The following RBFOX1 variants were observed in gnomAD, a reference collection of about 807,000 sequenced individuals.
RBFOX1 encodes the protein RNA binding fox-1 homolog 1.
RBFOX1 carries 8 observed loss-of-function variants against 57.7 expected under a neutral mutation model. The ratio of observed to expected loss-of-function variants is 0.14; its 90% CI spans 0.08 to 0.25. The LOEUF is 0.25. Among genes scored for constraint, RBFOX1 ranks in the 10% least tolerant of loss-of-function variants. The pLI is 1.00. For missense variants in RBFOX1, 611 were observed against 548.5 expected (o/e 1.11, Z -1.14); for synonymous variants, 326 against 222.4 (o/e 1.47, Z -4.15).
chr16:6,955,078 A>AC lies in RBFOX1; in HGVS notation c.-15-96979_-15-96978insC, dbSNP rs1568062833. ...AAACCCCATCTCTACAAAAAAAAAA[A>AC]AACACACAAAAAATTAGCTGGGCAT... is the stretch of plus-strand genomic sequence containing the variant. On this transcript the variant is annotated intron_variant, in intron 3 of 15. Coordinates refer to ENST00000550418, the MANE Select transcript of RBFOX1 (RefSeq NM_018723.4). Among the ~76,000 whole-genome samples the AC allele has an allele frequency of 3.0e-4, 38 of 126,778 alleles. No homozygotes were observed. The South Asian group carries it at 3.5e-3, about 12-fold the overall frequency. 83.2% of individuals were successfully genotyped at this position (126,778 alleles called of 152,430 possible).
At chr16:5,371,667 C>G (rs573520904) in intron 1 of RBFOX1, among the ~76,000 whole-genome samples, 1 of 152,342 alleles carries the variant, frequency 6.6e-6, no homozygotes, top group South Asian at 2.1e-4. Context: ...TCACGCACTT[C>G]TCTTTTTCCC....
At chr16:6,828,630 A>G (rs1020199001) in intron 3 of RBFOX1, among the ~76,000 whole-genome samples, 4 of 152,196 alleles carry the variant, frequency 2.6e-5, no homozygotes, top group African/African-American at 9.6e-5. Flanking sequence ...AGTGGACCCA[A>G]CATGGTGCTG....
chr16:7,494,545 A>G (rs2067966666), intron 4 of RBFOX1, among the ~76,000 whole-genome samples: 1 of 152,222 alleles, frequency 6.6e-6, no homozygotes. Context: ...CAATAATAGC[A>G]CAGAGATGTT....
intron 4 of RBFOX1, among the ~76,000 whole-genome samples, chr16:7,228,291 A>C (rs2093278754): frequency 1.3e-5 from 2 of 152,212 alleles, no homozygotes; most frequent in Admixed American, 6.5e-5. Context: ...TTCATCCTCA[A>C]GGTAATATAA....
At chr16:7,541,799 G>A (rs968642873) in intron 5 of RBFOX1, among the ~76,000 whole-genome samples, 3 of 152,136 alleles carry the variant, frequency 2.0e-5, no homozygotes, top group Non-Finnish European at 4.4e-5. Context: ...TTCTTCCTCT[G>A]GCAAATGATT....
intron 3 of RBFOX1, among the ~76,000 whole-genome samples, chr16:6,790,437 G>A (rs148682986): frequency 0.017 from 2,539 of 152,028 alleles, 87 homozygotes; most frequent in African/African-American, 0.058. Context: ...TACCCACCTC[G>A]GCCTCCCAAA....
intron 4 of RBFOX1, among the ~76,000 whole-genome samples, chr16:5,984,189 T>G (rs576134972): frequency 1.2e-5 from 1 of 82,882 alleles, no homozygotes; most frequent in African/African-American, 5.0e-5. Context: ...CCCCTCCTCC[T>G]CTCCTTCCCC....
At chr16:5,831,062 C>G (rs1407512957) in intron 3 of RBFOX1, among the ~76,000 whole-genome samples, 2 of 152,166 alleles carry the variant, frequency 1.3e-5, no homozygotes, top group East Asian at 3.8e-4. Context: ...GTTCTCCTTA[C>G]CCACAGGGAT....
chr16:5,515,084 A>G (rs899945374), intron 2 of RBFOX1, among the ~76,000 whole-genome samples: 3 of 152,128 alleles, frequency 2.0e-5, no homozygotes, highest in Admixed American at 2.0e-4. Flanking sequence ...CAGAACAAGA[A>G]CTCATTTATT....
At chr16:5,287,766 A>G (rs531506414) in intron 1 of RBFOX1, among the ~76,000 whole-genome samples, 2 of 152,198 alleles carry the variant, frequency 1.3e-5, no homozygotes, top group Non-Finnish European at 2.9e-5. Flanking sequence ...ATGCAGATTA[A>G]TATTCCAGTG....
At chr16:6,325,289 T>C (rs1380252277) in intron 2 of RBFOX1, among the ~76,000 whole-genome samples, 1 of 152,124 alleles carries the variant, frequency 6.6e-6, no homozygotes, top group African/African-American at 2.4e-5. Context: ...AGCCCAGGAA[T>C]CCAAGGCTGC....
At chr16:6,202,293 A>G (rs1221136729) in intron 1 of RBFOX1, among the ~76,000 whole-genome samples, 1 of 152,160 alleles carries the variant, frequency 6.6e-6, no homozygotes, top group East Asian at 1.9e-4. Flanking sequence ...CATTCCAACA[A>G]TCAAAACTTG....
chr16:6,330,282 C>T (rs1371621695), intron 2 of RBFOX1, among the ~76,000 whole-genome samples: 1 of 152,200 alleles, frequency 6.6e-6, no homozygotes, highest in Non-Finnish European at 1.5e-5. Flanking sequence ...AAACAGATTG[C>T]AAGCTCCTTT....
At chr16:5,288,290 C>A (rs1328717960) in intron 1 of RBFOX1, among the ~76,000 whole-genome samples, 1 of 152,122 alleles carries the variant, frequency 6.6e-6, no homozygotes, top group Non-Finnish European at 1.5e-5. Flanking sequence ...CAAAGAAGGC[C>A]GGCTGTTAGG....
Position 5,746,155 on chromosome 16 carries a change from A to G in RBFOX1, c.319-121148A>G, listed in dbSNP as rs149601943. Among the ~76,000 whole-genome samples, 10 of 152,276 alleles carry G rather than the reference A, an allele frequency of 6.6e-5. No homozygotes were observed. The East Asian group carries it at 1.7e-3, about 26-fold the overall frequency. ...GGGATCCAGTTTCAGCTTTCTCTAT[A>G]TGGCTAGCCAGTTTTCCCAGCACCA... On this transcript the variant is annotated intron_variant, in intron 3 of 19. Transcript: ENST00000641259.
chr16:6,323,000 C>T (rs1212219818), intron 2 of RBFOX1, among the ~76,000 whole-genome samples: 1 of 152,172 alleles, frequency 6.6e-6, no homozygotes, highest in Admixed American at 6.5e-5. Context: ...TCTTACCTCT[C>T]CTAAGCTGCT....
chr16:5,987,098 A>G lies in RBFOX1; in HGVS notation c.351+119763A>G, dbSNP rs78368483. On this transcript the variant is annotated intron_variant, in intron 4 of 19. Coordinates refer to the RBFOX1 transcript ENST00000641259. ...AGGTTGTAGTGATATTGCCTTTTGA[A>G]TTTATAGTTCATTCCCTGATGGCTA... 1.4e-4 allele frequency among the ~76,000 whole-genome samples: 21 copies of G among 152,124 alleles called. No individual in the cohort carries two copies. In the East Asian group the frequency reaches 4.1e-3, roughly 29 times the overall value.
intron 1 of RBFOX1, among the ~76,000 whole-genome samples, chr16:5,436,752 C>T (rs1275137004): frequency 6.6e-6 from 1 of 151,970 alleles, no homozygotes; most frequent in African/African-American, 2.4e-5. Context: ...GCACGAGAAT[C>T]ACTTGAACCC....
At chr16:7,125,146 A>C (rs1195700069) in intron 4 of RBFOX1, among the ~76,000 whole-genome samples, 1 of 152,200 alleles carries the variant, frequency 6.6e-6, no homozygotes, top group East Asian at 1.9e-4. Context: ...GGGAAGAAAG[A>C]GGTAACACTG....
Sources: gnomAD v4.1 joint callset for allele counts (sites outside exome capture counted in the v4.1 genomes callset) on GRCh38, gnomAD v4.1.1 for gene constraint, MANE v1.5 for transcripts, NCBI Gene and HGNC (gene_info 2026-07-23, HGNC 2026-07-21) for gene names.